The following LARS2 variants were observed in gnomAD, a reference collection of about 807,000 sequenced individuals.
LARS2 encodes the protein leucine--tRNA ligase, mitochondrial.
In LARS2, 81 loss-of-function variants were observed where a neutral mutation model predicts 116.6. The ratio of observed to expected loss-of-function variants is 0.69; its 90% confidence interval spans 0.58 to 0.84. The LOEUF is 0.84. Ranked by LOEUF, LARS2 falls within the 40% of genes least tolerant of loss-of-function variation. The pLI, the probability that LARS2 is intolerant of heterozygous loss-of-function variation, is 0.00. For synonymous variants in LARS2, 396 were observed against 407.2 expected (o/e 0.97, Z 0.33); for missense variants, 968 against 1,114.5 (o/e 0.87, Z 1.87).
chr3:45,393,738 C>G (rs1262860838), intron 2 of LARS2, among the ~76,000 whole-genome samples: 1 of 152,062 alleles, frequency 6.6e-6, no homozygotes, highest in Non-Finnish European at 1.5e-5. Context: ...GCAGGTAGAT[C>G]GCTTGAGCCC....
At chr3:45,463,227 A>G (rs1002042105) in intron 8 of LARS2, among the ~76,000 whole-genome samples, 13 of 152,232 alleles carry the variant, frequency 8.5e-5, no homozygotes, top group African/African-American at 2.4e-4. Context: ...GAATTTCTCT[A>G]TTAGAGTTGT....
chr3:45,484,967 A>T (rs1294262299), intron 10 of LARS2, among the ~76,000 whole-genome samples: 1 of 151,524 alleles, frequency 6.6e-6, no homozygotes, highest in Non-Finnish European at 1.5e-5. Context: ...CAGGTAATCT[A>T]TCCATTTCCT....
chr3:45,455,610 A>G (rs1170060938), intron 7 of LARS2, among the ~76,000 whole-genome samples: 1 of 152,112 alleles, frequency 6.6e-6, no homozygotes, highest in East Asian at 1.9e-4. Context: ...GAAAAATGGA[A>G]CTACCATATG....
At chr3:45,525,708 A>C (rs1289309967) in intron 20 of LARS2, among the ~76,000 whole-genome samples, 1 of 152,126 alleles carries the variant, frequency 6.6e-6, no homozygotes, top group African/African-American at 2.4e-5. Context: ...TCTTTTAGTT[A>C]CCCTTTTTAA....
At chr3:45,403,160 C>G (rs542214576) in intron 4 of LARS2, among the ~76,000 whole-genome samples, 2 of 149,198 alleles carry the variant, frequency 1.3e-5, no homozygotes, top group East Asian at 3.9e-4. Context: ...TGAATTGGCT[C>G]TTTGCCTAAA....
At chr3:45,492,169 C>T (rs1221766005) in intron 13 of LARS2, among the ~76,000 whole-genome samples, 2 of 152,226 alleles carry the variant, frequency 1.3e-5, no homozygotes, top group African/African-American at 4.8e-5. Context: ...AAAATGTTCT[C>T]TTCTCCACCT....
chr3:45,436,799 C>CA (rs61468802), intron 6 of LARS2, among the ~76,000 whole-genome samples: 58,754 of 121,400 alleles, frequency 0.48, 15,866 homozygotes, highest in East Asian at 0.72. Flanking sequence ...AGACTCGTCT[C>CA]AAAAAAAAAA....
chr3:45,531,689 T>C (rs1700618292), intron 20 of LARS2, among the ~76,000 whole-genome samples: 1 of 152,222 alleles, frequency 6.6e-6, no homozygotes, highest in Non-Finnish European at 1.5e-5. Context: ...CAGCCTACTG[T>C]CCTTTTAAAA....
At chr3:45,545,033 G>C (rs1321139286) in intron 21 of LARS2, among the ~76,000 whole-genome samples, 2 of 152,174 alleles carry the variant, frequency 1.3e-5, no homozygotes, top group African/African-American at 4.8e-5. Context: ...GCAGGAGAGA[G>C]AGGGGCTGTG....
intron 8 of LARS2, among the ~76,000 whole-genome samples, chr3:45,461,473 G>A (rs1699324978): frequency 1.3e-5 from 2 of 151,966 alleles, no homozygotes; most frequent in Admixed American, 1.3e-4. Flanking sequence ...TAGGGCTGGA[G>A]AGATGTTTAG....
chr3:45,490,411 A>G (rs759166047), intron 12 of LARS2, among the ~76,000 whole-genome samples: 4 of 152,204 alleles, frequency 2.6e-5, no homozygotes, highest in Non-Finnish European at 5.9e-5. Flanking sequence ...TCTAGGCTGA[A>G]TATCTAGAGT....
chr3:45,425,009 T>C (rs1698571383), intron 6 of LARS2, among the ~76,000 whole-genome samples: 2 of 152,192 alleles, frequency 1.3e-5, no homozygotes, highest in South Asian at 4.1e-4. Context: ...AGTACAGATA[T>C]TAGTTTTGTA....
At chr3:45,478,857 A>G (rs1444936825) in intron 10 of LARS2, among the ~76,000 whole-genome samples, 2 of 152,216 alleles carry the variant, frequency 1.3e-5, no homozygotes, top group Admixed American at 6.5e-5. Flanking sequence ...CATTGAGTGT[A>G]ATACAATGTT....
At chr3:45,435,905 AAGTAGAAGATC>A (rs1698793052) in intron 6 of LARS2, among the ~76,000 whole-genome samples, 1 of 152,162 alleles carries the variant, frequency 6.6e-6, no homozygotes, top group Non-Finnish European at 1.5e-5. Flanking sequence ...ACCTTCCCAG[AAGTAGAAGATC>A]AGCATGTGTG....
intron 4 of LARS2, among the ~76,000 whole-genome samples, chr3:45,411,465 C>T (rs1348529530): frequency 3.3e-5 from 5 of 152,216 alleles, no homozygotes; most frequent in Non-Finnish European, 5.9e-5. Context: ...CAGCTTTCAG[C>T]CATAACCCTA....
intron 13 of LARS2, among the ~76,000 whole-genome samples, chr3:45,493,391 G>A (rs1361770149): frequency 6.6e-6 from 1 of 152,122 alleles, no homozygotes; most frequent in Non-Finnish European, 1.5e-5. Flanking sequence ...GTGCCACCAC[G>A]CCCAGCCCCT....
rs143279363 is a variant in LARS2, at chr3:45,425,672, A to C, written c.516+5943A>C. Among the ~76,000 whole-genome samples the C allele has an allele frequency of 4.5e-4, 68 of 152,160 alleles. No homozygotes were observed. The East Asian group carries it at 0.012, about 27-fold the overall frequency. Reference sequence around the variant, plus strand: ...CATCAGCACATATATCTTTGCTTCTATTTGTCTTTCTCTCCATCATGTAAT... The same window carrying C: ...CATCAGCACATATATCTTTGCTTCTCTTTGTCTTTCTCTCCATCATGTAAT... On this transcript the variant is annotated intron_variant, in intron 6 of 21. Coordinates refer to ENST00000645846, the MANE Select transcript of LARS2 (RefSeq NM_015340.4).
chr3:45,542,822 GAT>G (rs985785378), intron 21 of LARS2, among the ~76,000 whole-genome samples: 1 of 152,234 alleles, frequency 6.6e-6, no homozygotes, highest in Admixed American at 6.5e-5. Flanking sequence ...ACAAAATCAA[GAT>G]AGGACAGACA....
chr3:45,394,788 C>T lies in LARS2; in HGVS notation c.234+101C>T, dbSNP rs1423210380. 6.8e-6 allele frequency: 5 copies of T among 739,194 alleles called. No individual in the cohort carries two copies. In the Admixed American group the frequency reaches 8.2e-5, roughly 12 times the overall value. 45.8% of individuals were successfully genotyped at this position (739,194 alleles called of 1,614,324 possible). Reference sequence around the variant, plus strand: ...TTCAAATAAGATATTAAATATGTGACCTTGAACCAAATTGTTGAATTTCTC... The same window carrying T: ...TTCAAATAAGATATTAAATATGTGATCTTGAACCAAATTGTTGAATTTCTC... On this transcript the variant is annotated intron_variant, in intron 3 of 21. Coordinates refer to ENST00000645846, the MANE Select transcript of LARS2 (RefSeq NM_015340.4).
Sources: gnomAD v4.1 joint callset for allele counts (sites outside exome capture counted in the v4.1 genomes callset) on GRCh38, gnomAD v4.1.1 for gene constraint, MANE v1.5 for transcripts, NCBI Gene and HGNC (gene_info 2026-07-23, HGNC 2026-07-21) for gene names.